LRRC8C: variants seen among roughly 807,000 people sequenced by gnomAD.
LRRC8C encodes the protein leucine rich repeat containing 8 VRAC subunit C, also known as volume-regulated anion channel subunit LRRC8C.
A neutral mutation model predicts 55.3 loss-of-function variants in LRRC8C; 20 were observed. The ratio of observed to expected loss-of-function variants is 0.36; its 90% CI spans 0.25 to 0.53. The LOEUF (loss-of-function observed/expected upper bound fraction) is 0.53. Among genes scored for constraint, LRRC8C ranks in the 20% least tolerant of loss-of-function variants. The probability of loss-of-function intolerance (pLI) is 0.92; values close to 1 mark genes in which losing one functional copy is unlikely to be tolerated. For synonymous variants in LRRC8C, 376 were observed against 360.7 expected (o/e 1.04, Z -0.48); for missense variants, 659 against 951.4 (o/e 0.69, Z 4.04).
chr1:89,714,934 G>A lies in LRRC8C; in HGVS notation c.2364G>A (p.Leu788=), dbSNP rs1352824091. The change falls in exon 3 of 3, where the codon CTG becomes CTA. Residue 788 remains leucine (L), a synonymous_variant. Transcript: ENST00000370454. The surrounding 1 kb of genome is among the most constrained non-coding windows in gnomAD (Gnocchi z 4.6). ...KRAGLVVEDA[L]FETLPSDVRE... ...CTGGTTTAGTTGTAGAAGATGCTCT[G>A]TTTGAAACTCTGCCTTCTGACGTCC... is the stretch of plus-strand genomic sequence containing the variant. 3 of 1,598,828 alleles carry A rather than the reference G, an allele frequency of 1.9e-6. No individual in the cohort carries two copies. The highest frequency in any genetic ancestry group is 2.6e-6 in the Non-Finnish European group (3 of 1,175,390).
chr1:89,632,525 C>G (rs919529215), upstream of LRRC8C: 2 of 152,628 alleles, frequency 1.3e-5, no homozygotes, highest in African/African-American at 4.8e-5. Flanking sequence ...TCTATCCCAC[C>G]GTCCCCTCCC....
At position 89,670,655 on chromosome 1, in the gene LRRC8C, A is replaced by G. The variant is rs527523835; in HGVS notation, c.-4-15815A>G. Among the ~76,000 whole-genome samples, 125 of 152,370 alleles carry G rather than the reference A, an allele frequency of 8.2e-4. 1 individual carries two copies. The Middle Eastern group carries it at 0.014, about 17-fold the overall frequency. ...TATTGAATATATAGAAGTTTATTCA[A>G]GTATCTCTTTACAAATCTATTTGGT... On this transcript the variant is annotated intron_variant, in intron 1 of 2. Coordinates refer to ENST00000370454, the MANE Select transcript of LRRC8C (RefSeq NM_032270.5).
At chr1:89,685,101 CTTTTTTTTTTT>C (rs11316114) in intron 1 of LRRC8C, among the ~76,000 whole-genome samples, 3 of 76,164 alleles carry the variant, frequency 3.9e-5, no homozygotes, top group Non-Finnish European at 6.9e-5. Flanking sequence ...CTATCTAGTT[CTTTTTTTTTTT>C]TTTTTTTTTT....
chr1:89,624,642 T>C, the LRRC8C span, among the ~76,000 whole-genome samples: 7 of 152,370 alleles, frequency 4.6e-5, no homozygotes, highest in African/African-American at 1.7e-4. Flanking sequence ...AGAGGGCTTA[T>C]CTTGACAGAT....
At chr1:89,673,943 A>G (rs933339812) in intron 1 of LRRC8C, among the ~76,000 whole-genome samples, 2 of 152,214 alleles carry the variant, frequency 1.3e-5, no homozygotes, top group African/African-American at 4.8e-5. Context: ...TGCGGTATGC[A>G]TAGGAGTTAA....
chr1:89,700,271 C>T (rs531061663), intron 2 of LRRC8C, among the ~76,000 whole-genome samples: 8 of 152,222 alleles, frequency 5.3e-5, no homozygotes, highest in Admixed American at 3.9e-4. Flanking sequence ...CCTTCTACTC[C>T]GCCAAGCCTA....
intron 1 of LRRC8C, among the ~76,000 whole-genome samples, chr1:89,658,781 T>C (rs772646488): frequency 2.0e-5 from 3 of 152,214 alleles, no homozygotes; most frequent in South Asian, 2.1e-4. Context: ...GGAAATGAAC[T>C]ACCTGTACTC....
At chr1:89,681,481 G>A (rs145930326) in intron 1 of LRRC8C, among the ~76,000 whole-genome samples, 3 of 152,240 alleles carry the variant, frequency 2.0e-5, no homozygotes, top group East Asian at 1.9e-4. Context: ...CTGTCCTCAC[G>A]CTGCTAATAA....
rs1005020190 is a variant in LRRC8C at position 89,687,243 on chromosome 1, A to G, written c.138+632A>G. Among the ~76,000 whole-genome samples, 3 of 152,246 alleles carry G rather than the reference A, an allele frequency of 2.0e-5. No individual in the cohort carries two copies. The South Asian group carries it at 6.2e-4, about 31-fold the overall frequency. On this transcript the variant is annotated intron_variant, in intron 2 of 2. Transcript: ENST00000370454. ...TCAAAATAACTTGTGTTATACTTTG[A>G]TAGAGGTGTCCATAAGGCACTAAGG...
At chr1:89,660,093 G>T (rs1657072196) in intron 1 of LRRC8C, among the ~76,000 whole-genome samples, 1 of 152,152 alleles carries the variant, frequency 6.6e-6, no homozygotes, top group African/African-American at 2.4e-5. Flanking sequence ...GAGAGGGTGG[G>T]CTGTGTGGGG....
At chr1:89,673,430 C>A (rs1557656681) in intron 1 of LRRC8C, among the ~76,000 whole-genome samples, 1 of 152,128 alleles carries the variant, frequency 6.6e-6, no homozygotes, top group East Asian at 1.9e-4. Flanking sequence ...TCAGGAAGAC[C>A]TCATCTGGCT....
At chr1:89,699,129 C>G (rs558758771) in intron 2 of LRRC8C, among the ~76,000 whole-genome samples, 1 of 152,212 alleles carries the variant, frequency 6.6e-6, no homozygotes, top group Non-Finnish European at 1.5e-5. Context: ...AGAAGCTAAT[C>G]TTAAAAGGAT....
At chr1:89,668,509 T>C (rs1425588985) in intron 1 of LRRC8C, among the ~76,000 whole-genome samples, 1 of 152,202 alleles carries the variant, frequency 6.6e-6, no homozygotes, top group African/African-American at 2.4e-5. Flanking sequence ...AGTGTTCAAG[T>C]CACAAATATG....
chr1:89,709,732 TTG>T (rs1458730749), intron 2 of LRRC8C, among the ~76,000 whole-genome samples: 5 of 146,972 alleles, frequency 3.4e-5, no homozygotes, highest in African/African-American at 1.3e-4. Context: ...GTTTTGTTTT[TTG>T]TGTGTGGTTT....
intron 1 of LRRC8C, among the ~76,000 whole-genome samples, chr1:89,663,911 C>T (rs1315463087): frequency 1.3e-5 from 2 of 152,158 alleles, no homozygotes; most frequent in East Asian, 3.9e-4. Context: ...TTGTTGGCTG[C>T]ATAAATGTCT....
chr1:89,621,145 G>T, the LRRC8C span, among the ~76,000 whole-genome samples: 2 of 152,026 alleles, frequency 1.3e-5, no homozygotes, highest in East Asian at 3.9e-4. Context: ...ATCATCCTAA[G>T]AAATAATCAT....
chr1:89,658,825 T>TTTAAA, intron 1 of LRRC8C, among the ~76,000 whole-genome samples: 1 of 152,168 alleles, frequency 6.6e-6, no homozygotes, highest in Admixed American at 6.6e-5. Context: ...TAGATTCCAC[T>TTTAAA]GTTTAAATTC....
chr1:89,656,834 A>G (rs1656956966), intron 1 of LRRC8C, among the ~76,000 whole-genome samples: 1 of 152,184 alleles, frequency 6.6e-6, no homozygotes, highest in Admixed American at 6.5e-5. Context: ...TTTTTTATTC[A>G]AAGTTTATTA....
At chr1:89,648,016 C>T (rs1268117692) in intron 1 of LRRC8C, among the ~76,000 whole-genome samples, 1 of 152,152 alleles carries the variant, frequency 6.6e-6, no homozygotes, top group African/African-American at 2.4e-5. Flanking sequence ...CTGCAGTGAA[C>T]TATGTTTGCA....
Sources: gnomAD v4.1 joint callset for allele counts (sites outside exome capture counted in the v4.1 genomes callset) on GRCh38, gnomAD v4.1.1 for gene constraint, Gnocchi (gnomAD v3.1) non-coding constraint, MANE v1.5 for transcripts, NCBI Gene and HGNC (gene_info 2026-07-23, HGNC 2026-07-21) for gene names.